The following STK32B variants were observed in gnomAD, a reference collection of about 807,000 sequenced individuals.
STK32B encodes the protein serine/threonine-protein kinase 32B.
Under a neutral mutation model 52.6 loss-of-function variants are expected in STK32B, and 43 were observed. That is an observed-to-expected ratio of 0.82 (90% CI 0.64 to 1.05). The LOEUF is 1.05. Ranked by LOEUF, STK32B falls within the 50% of genes least tolerant of loss-of-function variation. The probability of loss-of-function intolerance (pLI) is 0.00; values close to 1 mark genes in which losing one functional copy is unlikely to be tolerated. For synonymous variants in STK32B, 238 were observed against 204.3 expected, an observed-to-expected ratio of 1.17 and a Z score of -1.41; for missense variants, 621 against 534.6, an observed-to-expected ratio of 1.16 and a Z score of -1.59.
chr4:5,243,262 G>A (rs1725174902), intron 3 of STK32B, among the ~76,000 whole-genome samples: 1 of 152,114 alleles, frequency 6.6e-6, no homozygotes, highest in Non-Finnish European at 1.5e-5. Context: ...ATTGAGCAGT[G>A]GTTTGTAGTT....
the STK32B span, among the ~76,000 whole-genome samples, chr4:5,038,957 A>G: frequency 6.7e-6 from 1 of 150,278 alleles, no homozygotes; most frequent in African/African-American, 2.4e-5. Context: ...AAACACAAAC[A>G]TACTGTACAG....
At chr4:5,077,072 C>G (rs768147737) in intron 1 of STK32B, among the ~76,000 whole-genome samples, 1 of 152,144 alleles carries the variant, frequency 6.6e-6, no homozygotes, top group Non-Finnish European at 1.5e-5. Context: ...CGAGATACAT[C>G]CCTGAACTGT....
At chr4:5,247,049 G>T (rs189564852) in intron 3 of STK32B, among the ~76,000 whole-genome samples, 4 of 152,188 alleles carry the variant, frequency 2.6e-5, no homozygotes, top group African/African-American at 9.7e-5. Flanking sequence ...TGGTCTGCCC[G>T]TTCTCAGATC....
intron 3 of STK32B, among the ~76,000 whole-genome samples, chr4:5,186,024 C>T (rs555304546): frequency 6.6e-6 from 1 of 152,340 alleles, no homozygotes; most frequent in African/African-American, 2.4e-5. Context: ...TCTTCGGTCA[C>T]TGCGAGAACT....
intron 3 of STK32B, among the ~76,000 whole-genome samples, chr4:5,216,824 A>G (rs994987950): frequency 1.3e-5 from 2 of 152,226 alleles, no homozygotes; most frequent in Non-Finnish European, 2.9e-5. Context: ...TGGGTGTGAT[A>G]TGAACAGATT....
rs140639790 is a variant in STK32B at position 5,336,712 on chromosome 4, G to A, written c.434+5319G>A. ...AGACAAAAAGAAAATACGAGACAAA[G>A]CAAAGTTAAAGAATCTACAGATTTC... On this transcript the variant is annotated intron_variant, in intron 4 of 11. Coordinates refer to ENST00000282908, the MANE Select transcript of STK32B (RefSeq NM_018401.3). 1.8e-4 allele frequency among the ~76,000 whole-genome samples: 27 copies of A among 152,046 alleles called. 1 individual carries two copies. In the East Asian group the frequency reaches 4.6e-3, roughly 26 times the overall value.
chr4:5,199,687 C>A (rs1721973114), intron 3 of STK32B, among the ~76,000 whole-genome samples: 1 of 152,156 alleles, frequency 6.6e-6, no homozygotes, highest in African/African-American at 2.4e-5. Context: ...CTTTTTGTAG[C>A]CTCCAACACC....
chr4:5,138,928 G>T (rs1227962552), intron 1 of STK32B, among the ~76,000 whole-genome samples: 1 of 152,152 alleles, frequency 6.6e-6, no homozygotes, highest in African/African-American at 2.4e-5. Context: ...GAGCCCTGCA[G>T]CCCTGGGGAA....
chr4:5,139,254 A>G (rs1474475309), intron 1 of STK32B, among the ~76,000 whole-genome samples: 1 of 152,186 alleles, frequency 6.6e-6, no homozygotes, highest in Non-Finnish European at 1.5e-5. Context: ...GTGAACGTTG[A>G]GACCACTCAT....
At chr4:5,025,223 C>A in the STK32B span, among the ~76,000 whole-genome samples, 1 of 152,298 alleles carries the variant, frequency 6.6e-6, no homozygotes, top group African/African-American at 2.4e-5. Flanking sequence ...CAGCAGGAAC[C>A]TTTTGTTGGG....
At chr4:5,418,262 C>T (rs1024271574) in intron 6 of STK32B, among the ~76,000 whole-genome samples, 2 of 151,024 alleles carry the variant, frequency 1.3e-5, no homozygotes, top group Admixed American at 6.6e-5. Flanking sequence ...GCTCTTCATT[C>T]TCCTTTTACT....
At chr4:5,299,338 C>T (rs1290751236) in intron 3 of STK32B, among the ~76,000 whole-genome samples, 1 of 152,062 alleles carries the variant, frequency 6.6e-6, no homozygotes, top group Non-Finnish European at 1.5e-5. Context: ...ATTTCCTTCC[C>T]TCTTCATGGG....
chr4:5,401,722 G>A (rs1737302094), intron 5 of STK32B, among the ~76,000 whole-genome samples: 1 of 152,214 alleles, frequency 6.6e-6, no homozygotes, highest in Non-Finnish European at 1.5e-5. Flanking sequence ...AGACAATGGG[G>A]AATTTAAAGA....
intron 11 of STK32B, among the ~76,000 whole-genome samples, chr4:5,488,766 A>G (rs1719435737): frequency 1.3e-5 from 2 of 152,120 alleles, no homozygotes; most frequent in Non-Finnish European, 2.9e-5. Context: ...CTTCATATCT[A>G]TAACTTTCTT....
chr4:5,242,337 G>A (rs1173990053), intron 3 of STK32B, among the ~76,000 whole-genome samples: 2 of 152,208 alleles, frequency 1.3e-5, no homozygotes, highest in Admixed American at 6.5e-5. Flanking sequence ...GTGATGATGA[G>A]CAGTTTTTCA....
intron 3 of STK32B, among the ~76,000 whole-genome samples, chr4:5,325,252 C>A (rs1351271953): frequency 6.6e-6 from 1 of 152,132 alleles, no homozygotes; most frequent in African/African-American, 2.4e-5. Context: ...AGAACACCAT[C>A]TTCATAAGAA....
chr4:5,062,340 G>GT (rs1301473068), intron 1 of STK32B, among the ~76,000 whole-genome samples: 1 of 152,176 alleles, frequency 6.6e-6, no homozygotes, highest in African/African-American at 2.4e-5. Context: ...TCAGGTAACT[G>GT]TAAGTTGTGT....
chr4:5,486,576 G>A (rs558314652), intron 11 of STK32B, among the ~76,000 whole-genome samples: 18 of 152,226 alleles, frequency 1.2e-4, no homozygotes, highest in Admixed American at 2.6e-4. Context: ...CGCTCGGTGC[G>A]CTGCACCCAC....
intron 1 of STK32B, among the ~76,000 whole-genome samples, chr4:5,129,037 T>C (rs973656077): frequency 3.3e-5 from 5 of 152,188 alleles, no homozygotes; most frequent in Non-Finnish European, 7.4e-5. Context: ...CTTGAACTAA[T>C]AGATTATCTG....
Sources: gnomAD v4.1 joint callset for allele counts (sites outside exome capture counted in the v4.1 genomes callset) on GRCh38, gnomAD v4.1.1 for gene constraint, MANE v1.5 for transcripts, NCBI Gene and HGNC (gene_info 2026-07-23, HGNC 2026-07-21) for gene names.